The following RFTN1 variants were observed in gnomAD, a reference collection of about 807,000 sequenced individuals.
RFTN1 encodes raftlin.
RFTN1 carries 26 observed loss-of-function variants against 46.5 expected under a neutral mutation model. That is an observed-to-expected ratio of 0.56 (90% CI 0.41 to 0.78). The LOEUF (loss-of-function observed/expected upper bound fraction) is 0.78, where lower values mean the gene tolerates loss of function less well. Among genes scored for constraint, RFTN1 ranks in the 30% least tolerant of loss-of-function variants. The probability of loss-of-function intolerance (pLI) is 0.00; values close to 1 mark genes in which losing one functional copy is unlikely to be tolerated. For synonymous variants in RFTN1, 261 were observed against 284.2 expected (o/e 0.92, Z 0.82); for missense variants, 693 against 718.7 (o/e 0.96, Z 0.41).
intron 4 of RFTN1, among the ~76,000 whole-genome samples, chr3:16,396,366 T>TA (rs1408299360): frequency 5.9e-5 from 9 of 152,188 alleles, no homozygotes; most frequent in African/African-American, 2.2e-4. Context: ...CTAGCTCAGC[T>TA]AGTGCACCTC....
chr3:16,461,874 A>G (rs1475846100), intron 2 of RFTN1, among the ~76,000 whole-genome samples: 1 of 152,256 alleles, frequency 6.6e-6, no homozygotes, highest in Admixed American at 6.5e-5. Context: ...CAGTGTAAGC[A>G]AATCCTCTCC....
Position 16,479,047 on chromosome 3 carries a change from T to C in RFTN1, c.145+14678A>G, listed in dbSNP as rs1219136736. Reference sequence around the variant, plus strand: ...AGGCAGGGGTCACTGGGGGCCATCTTGGCAGATGTCCACCATGCTACTTGA... The same window carrying C: ...AGGCAGGGGTCACTGGGGGCCATCTCGGCAGATGTCCACCATGCTACTTGA... On this transcript the variant is annotated intron_variant, in intron 2 of 9. Coordinates refer to ENST00000334133, the MANE Select transcript of RFTN1 (RefSeq NM_015150.2). This position sits in a 1 kb window ranked among gnomAD's most constrained non-coding sequence, Gnocchi z 5.1. 6.6e-6 allele frequency among the ~76,000 whole-genome samples: 1 copy of C among 152,220 alleles called. No homozygotes were observed. Among genetic ancestry groups the C allele is most frequent in the Non-Finnish European group, 1.5e-5 (1 of 68,040 alleles).
chr3:16,485,679 T>C (rs1439337815), intron 2 of RFTN1, among the ~76,000 whole-genome samples: 1 of 152,276 alleles, frequency 6.6e-6, no homozygotes, highest in Non-Finnish European at 1.5e-5. Context: ...AAAAGTTTTA[T>C]ATCTTGAGTG....
In RFTN1 at chr3:16,334,133, C is replaced by G. The variant is rs1414300592; in HGVS notation, c.1147-7257G>C. Among the ~76,000 whole-genome samples the G allele has an allele frequency of 6.6e-6, 1 of 152,136 alleles. No homozygotes were observed. Among genetic ancestry groups the G allele is most frequent in the Non-Finnish European group, 1.5e-5 (1 of 68,028 alleles). On this transcript the variant is annotated intron_variant, in intron 7 of 9. Coordinates refer to ENST00000334133, the MANE Select transcript of RFTN1 (RefSeq NM_015150.2). The surrounding 1 kb of genome is among the most constrained non-coding windows in gnomAD (Gnocchi z 4.3). ...TGAGCCGAGATCGTGCCACTGCACT[C>G]CAGCCTGGGCGACAGAGCAAGACTC...
chr3:16,494,019 T>C lies in RFTN1; in HGVS notation c.-8-142A>G. ...TTATGAAACTGAGAGTATAATTTAATATAGGACCTGAACACAGAGGACTGT... is the reference window on the plus strand; with the variant it reads ...TTATGAAACTGAGAGTATAATTTAACATAGGACCTGAACACAGAGGACTGT... On this transcript the variant is annotated intron_variant, in intron 1 of 9. Transcript: ENST00000334133. The C allele has an allele frequency of 6.7e-6, 6 of 896,522 alleles. No individual in the cohort carries two copies. The East Asian group carries it at 1.3e-4, about 19-fold the overall frequency. The allele number at this position is 896,522 out of a possible 1,614,324, so 55.5% of individuals were successfully genotyped here.
rs1293326680 is a variant in RFTN1 at position 16,357,921 on chromosome 3, C to T, written c.1146+11G>A. ...AAACAAAAGAAGCGGGGCTGCCAACCCCACACTTACTTCCAGGACTGTCCA... is the reference window on the plus strand; with the variant it reads ...AAACAAAAGAAGCGGGGCTGCCAACTCCACACTTACTTCCAGGACTGTCCA... On this transcript the variant is annotated intron_variant, in intron 7 of 9. Coordinates refer to ENST00000334133, the MANE Select transcript of RFTN1 (RefSeq NM_015150.2). 6.4e-7 allele frequency: 1 copy of T among 1,557,188 alleles called. No individual in the cohort carries two copies. The highest frequency in any genetic ancestry group is 2.2e-5 in the East Asian group (1 of 44,604).
chr3:16,445,689 A>T (rs754329518), intron 2 of RFTN1, among the ~76,000 whole-genome samples: 1 of 152,174 alleles, frequency 6.6e-6, no homozygotes, highest in East Asian at 1.9e-4. Context: ...TTTTATATTA[A>T]TAACACTGAA....
At chr3:16,482,856 A>C in intron 2 of RFTN1, 1 of 1,535,244 alleles carries the variant, frequency 6.5e-7, no homozygotes, top group Non-Finnish European at 8.7e-7. Context: ...AAGATGAAGG[A>C]CTGTACGAGG....
intron 2 of RFTN1, among the ~76,000 whole-genome samples, chr3:16,485,157 T>C (rs187652107): frequency 2.6e-4 from 40 of 152,332 alleles, no homozygotes; most frequent in African/African-American, 8.9e-4. Flanking sequence ...AAAACACTTG[T>C]TCGTGGATAT....
At chr3:16,397,392 T>C (rs1028700443) in intron 4 of RFTN1, among the ~76,000 whole-genome samples, 23 of 152,282 alleles carry the variant, frequency 1.5e-4, no homozygotes, top group African/African-American at 4.8e-4. Context: ...ATTGAAGATA[T>C]GCAGGATGAA....
At position 16,346,124 on chromosome 3, in the gene RFTN1, C is replaced by G. The variant is rs1255994840; in HGVS notation, c.1146+11808G>C. On this transcript the variant is annotated intron_variant, in intron 7 of 9. Transcript: ENST00000334133. The surrounding 1 kb of genome is among the most constrained non-coding windows in gnomAD (Gnocchi z 4.4). ...GGGTCTTCCAGCACCCCTCAGGAAG[C>G]TTGACAATGAAGAGGAATTATTGAT... 1.3e-5 allele frequency: 2 copies of G among 152,044 alleles called. No individual in the cohort carries two copies. The highest frequency in any genetic ancestry group is 2.4e-5 in the African/African-American group (1 of 41,390). 9.4% of individuals were successfully genotyped at this position (152,044 alleles called of 1,614,324 possible).
intron 2 of RFTN1, among the ~76,000 whole-genome samples, chr3:16,493,232 T>C (rs1045484360): frequency 8.1e-6 from 1 of 123,640 alleles, no homozygotes; most frequent in African/African-American, 3.1e-5. Flanking sequence ...CTGTAATTCG[T>C]TGCTTTTTTT....
At chr3:16,467,590 GA>G in intron 2 of RFTN1, among the ~76,000 whole-genome samples, 1 of 152,364 alleles carries the variant, frequency 6.6e-6, no homozygotes, top group African/African-American at 2.4e-5. Context: ...TGAGCCCGGG[GA>G]ATGCCCAGGG....
At chr3:16,403,320 A>T (rs2074652787) in intron 4 of RFTN1, among the ~76,000 whole-genome samples, 1 of 151,710 alleles carries the variant, frequency 6.6e-6, no homozygotes, top group Admixed American at 6.6e-5. Context: ...ATGCACAGTT[A>T]TAACATTGGC....
chr3:16,421,347 T>G lies in RFTN1; in HGVS notation c.333-11864A>C, dbSNP rs1375260925. On this transcript the variant is annotated intron_variant, in intron 3 of 9. Coordinates refer to ENST00000334133, the MANE Select transcript of RFTN1 (RefSeq NM_015150.2). The surrounding 1 kb of genome is among the most constrained non-coding windows in gnomAD (Gnocchi z 4.6). ...GAACAGGTAGGCATTGGTATTGGTG[T>G]TTTTTTTTTTTCTTTTCTTTTTGAG... is the stretch of plus-strand genomic sequence containing the variant. Among the ~76,000 whole-genome samples, 10 of 103,976 alleles carry G rather than the reference T, an allele frequency of 9.6e-5. No individual in the cohort carries two copies. Among genetic ancestry groups the G allele is most frequent in the East Asian group, 8.9e-4 (3 of 3,366 alleles). The allele number at this position is 103,976 out of a possible 152,430, so 68.2% of individuals were successfully genotyped here. A position where few individuals can be genotyped will look rare whatever the true frequency, so the allele number is the denominator to read the frequency against.
At position 16,489,534 on chromosome 3, in the gene RFTN1, G is replaced by A. The variant is rs1254886956; in HGVS notation, c.145+4191C>T. On this transcript the variant is annotated intron_variant, in intron 2 of 9. Coordinates refer to ENST00000334133, the MANE Select transcript of RFTN1 (RefSeq NM_015150.2). The surrounding 1 kb of genome is among the most constrained non-coding windows in gnomAD (Gnocchi z 4.0). ...ATGTTCTGCATCTTGATGTGATGAG[G>A]GTTTTATGGGTTGGAACACTTTAAA... is the stretch of plus-strand genomic sequence containing the variant. Among the ~76,000 whole-genome samples the A allele has an allele frequency of 1.3e-5, 2 of 152,100 alleles. No homozygotes were observed. The highest frequency in any genetic ancestry group is 1.9e-4 in the East Asian group (1 of 5,204).
intron 6 of RFTN1, among the ~76,000 whole-genome samples, chr3:16,359,410 G>C (rs534255554): frequency 2.6e-5 from 4 of 152,164 alleles, no homozygotes; most frequent in African/African-American, 9.7e-5. Context: ...GAGCCTTTAG[G>C]AAGGTAATTA....
chr3:16,377,213 G>GCCTC (rs2073809339), intron 5 of RFTN1, among the ~76,000 whole-genome samples: 1 of 152,046 alleles, frequency 6.6e-6, no homozygotes, highest in Non-Finnish European at 1.5e-5. Flanking sequence ...GCAGAGAGGC[G>GCCTC]TGAAGGGATG....
rs2075679083 is a variant in RFTN1 at position 16,443,940 on chromosome 3, G to T, written c.146-9903C>A. 2.0e-5 allele frequency among the ~76,000 whole-genome samples: 3 copies of T among 152,164 alleles called. No individual in the cohort carries two copies. In the South Asian group the frequency reaches 6.2e-4, roughly 31 times the overall value. ...GAAGACACAGGCTAAGATACATCAA[G>T]AAGCCTTTTTAAGAAACACCAGGTC... is the stretch of plus-strand genomic sequence containing the variant. On this transcript the variant is annotated intron_variant, in intron 2 of 9. Transcript: ENST00000334133. This position sits in a 1 kb window ranked among gnomAD's most constrained non-coding sequence, Gnocchi z 5.5.
Sources: gnomAD v4.1 joint callset for allele counts (sites outside exome capture counted in the v4.1 genomes callset) on GRCh38, gnomAD v4.1.1 for gene constraint, Gnocchi (gnomAD v3.1) non-coding constraint, MANE v1.5 for transcripts, NCBI Gene and HGNC (gene_info 2026-07-23, HGNC 2026-07-21) for gene names.